CNTNAP2: variants seen among roughly 807,000 people sequenced by gnomAD.
The protein encoded by CNTNAP2 is contactin-associated protein-like 2.
A neutral mutation model predicts 155.2 loss-of-function variants in CNTNAP2; 98 were observed. That is an observed-to-expected ratio of 0.63 (90% CI 0.54 to 0.75). The LOEUF (loss-of-function observed/expected upper bound fraction) is 0.75. CNTNAP2 is among the 30% of genes least tolerant of loss of function. The pLI, the probability that CNTNAP2 is intolerant of heterozygous loss-of-function variation, is 0.00. For synonymous variants in CNTNAP2, 651 were observed against 631.2 expected, an observed-to-expected ratio of 1.03 and a Z score of -0.47; for missense variants, 1,727 against 1,688.1, an observed-to-expected ratio of 1.02 and a Z score of -0.40.
At chr7:146,239,131 T>C (rs2116925020) in intron 1 of CNTNAP2, among the ~76,000 whole-genome samples, 1 of 152,248 alleles carries the variant, frequency 6.6e-6, no homozygotes, top group Non-Finnish European at 1.5e-5. Flanking sequence ...GAATTGTGAG[T>C]AGCAACAATG....
intron 3 of CNTNAP2, among the ~76,000 whole-genome samples, chr7:146,973,886 A>G (rs992204013): frequency 6.6e-5 from 10 of 152,172 alleles, no homozygotes; most frequent in South Asian, 4.1e-4. Flanking sequence ...CTTTGCCACA[A>G]TGATGACTTC....
rs533367565 is a variant in CNTNAP2, at chr7:147,862,069, T to A, written c.2099-41496T>A. 4.0e-5 allele frequency among the ~76,000 whole-genome samples: 6 copies of A among 151,274 alleles called. No homozygotes were observed. The East Asian group carries it at 1.2e-3, about 30-fold the overall frequency. On this transcript the variant is annotated intron_variant, in intron 13 of 23. Transcript: ENST00000361727. ...GTTAGTTAGCCAATATGGTATTTTG[T>A]GGTAATGCAGCTATAATCTAATCAC...
At chr7:147,878,661 A>T (rs1008232062) in intron 13 of CNTNAP2, among the ~76,000 whole-genome samples, 1 of 152,060 alleles carries the variant, frequency 6.6e-6, no homozygotes, top group Non-Finnish European at 1.5e-5. Flanking sequence ...TTTGTTTCTG[A>T]TGGGGAGAAA....
intron 11 of CNTNAP2, among the ~76,000 whole-genome samples, chr7:147,487,826 G>A (rs1346055706): frequency 6.6e-6 from 1 of 152,138 alleles, no homozygotes; most frequent in Non-Finnish European, 1.5e-5. Context: ...CTAGTGGCCA[G>A]CTCCAAAGGT....
At chr7:148,364,294 G>A (rs974092311) in intron 21 of CNTNAP2, among the ~76,000 whole-genome samples, 3 of 152,250 alleles carry the variant, frequency 2.0e-5, no homozygotes, top group Admixed American at 2.0e-4. Context: ...GGGACATGGA[G>A]AGTCTTTATA....
At chr7:147,083,816 T>TTATATACATATACACATGTATGTACA (rs1800200048) in intron 4 of CNTNAP2, among the ~76,000 whole-genome samples, 2 of 132,738 alleles carry the variant, frequency 1.5e-5, no homozygotes, top group Non-Finnish European at 3.0e-5. Flanking sequence ...TATGTACATA[T>TTATATACATATACACATGTATGTACA]TATATACATA....
chr7:146,403,944 C>T (rs895338997), intron 1 of CNTNAP2, among the ~76,000 whole-genome samples: 99 of 151,198 alleles, frequency 6.5e-4, no homozygotes, highest in African/African-American at 2.1e-3. Flanking sequence ...GCTAAAACGG[C>T]GAAACCCCGT....
At chr7:147,109,984 G>A (rs1306426121) in intron 5 of CNTNAP2, among the ~76,000 whole-genome samples, 2 of 151,956 alleles carry the variant, frequency 1.3e-5, no homozygotes, top group Non-Finnish European at 2.9e-5. Context: ...GAGTGCAGTG[G>A]CATGATCTCT....
chr7:147,432,683 C>A (rs1246388590), intron 10 of CNTNAP2, among the ~76,000 whole-genome samples: 1 of 152,142 alleles, frequency 6.6e-6, no homozygotes, highest in Non-Finnish European at 1.5e-5. Flanking sequence ...ACCACAGTCA[C>A]AGTGTTTTTT....
intron 9 of CNTNAP2, among the ~76,000 whole-genome samples, chr7:147,306,524 A>C (rs1795029571): frequency 6.6e-6 from 1 of 152,230 alleles, no homozygotes; most frequent in Non-Finnish European, 1.5e-5. Flanking sequence ...TAAGAGAGAG[A>C]ACTTATCTCT....
At chr7:147,538,195 A>T (rs1799581248) in intron 11 of CNTNAP2, among the ~76,000 whole-genome samples, 1 of 152,240 alleles carries the variant, frequency 6.6e-6, no homozygotes, top group South Asian at 2.1e-4. Context: ...CCAAAAAATC[A>T]AGCAATCTTT....
chr7:146,244,151 G>T (rs1202447990), intron 1 of CNTNAP2, among the ~76,000 whole-genome samples: 1 of 152,184 alleles, frequency 6.6e-6, no homozygotes, highest in African/African-American at 2.4e-5. Flanking sequence ...GAATTGGGAC[G>T]ACTCAGGACA....
intron 19 of CNTNAP2, among the ~76,000 whole-genome samples, chr7:148,224,664 T>C (rs1358808145): frequency 2.0e-5 from 3 of 152,190 alleles, no homozygotes; most frequent in African/African-American, 7.2e-5. Context: ...GCAGGGAGAC[T>C]GTATTCATCT....
intron 1 of CNTNAP2, among the ~76,000 whole-genome samples, chr7:146,667,969 C>G (rs956115545): frequency 1.3e-5 from 2 of 152,038 alleles, no homozygotes; most frequent in African/African-American, 2.4e-5. Flanking sequence ...CTTTAATTTT[C>G]ATTTCCCAAT....
chr7:148,300,084 G>A (rs903925994), intron 21 of CNTNAP2, among the ~76,000 whole-genome samples: 3 of 152,190 alleles, frequency 2.0e-5, no homozygotes, highest in Non-Finnish European at 4.4e-5. Context: ...GAGAAAGGGC[G>A]TATGGAAATG....
intron 1 of CNTNAP2, among the ~76,000 whole-genome samples, chr7:146,493,838 G>T (rs988656200): frequency 2.0e-5 from 3 of 152,110 alleles, no homozygotes; most frequent in African/African-American, 7.2e-5. Flanking sequence ...AATATAGAAT[G>T]AGGAAACATT....
rs568274604 is a variant in CNTNAP2 at position 146,842,709 on chromosome 7, G to A, written c.402+2805G>A. ...CATACTTTTTTATTTTTTCTGAGAC[G>A]GAGTCTCGCTCTTTCGCCCAGGCTG... is the stretch of plus-strand genomic sequence containing the variant. On this transcript the variant is annotated intron_variant, in intron 3 of 23. Coordinates refer to ENST00000361727, the MANE Select transcript of CNTNAP2 (RefSeq NM_014141.6). Among the ~76,000 whole-genome samples, 190 of 152,080 alleles carry A rather than the reference G, an allele frequency of 1.2e-3. 2 individuals carry two copies. Among genetic ancestry groups the A allele is most frequent in the Non-Finnish European group, 1.6e-3 (111 of 67,970 alleles).
intron 1 of CNTNAP2, among the ~76,000 whole-genome samples, chr7:146,468,385 A>G (rs1227668315): frequency 6.6e-6 from 1 of 152,020 alleles, no homozygotes; most frequent in Non-Finnish European, 1.5e-5. Flanking sequence ...GAATCATGCA[A>G]TACACCCAGG....
chr7:147,386,996 AAG>A (rs1282139144), intron 9 of CNTNAP2, among the ~76,000 whole-genome samples: 3 of 152,180 alleles, frequency 2.0e-5, no homozygotes, highest in Admixed American at 6.5e-5. Context: ...GTGGCAGGCA[AAG>A]AGAGAGAACT....
Sources: allele counts gnomAD v4.1 joint callset (sites outside exome capture counted in the v4.1 genomes callset), GRCh38; gene constraint gnomAD v4.1.1; transcripts MANE v1.5; gene names NCBI Gene and HGNC (gene_info 2026-07-23, HGNC 2026-07-21).